Variants in ANP32E observed in about 807,000 individuals in gnomAD.
ANP32E encodes acidic nuclear phosphoprotein 32 family member E, also known as acidic leucine-rich nuclear phosphoprotein 32 family member E.
A neutral mutation model predicts 35.3 loss-of-function variants in ANP32E; 14 were observed. The ratio of observed to expected loss-of-function variants is 0.40; its 90% CI spans 0.26 to 0.62. ANP32E has a LOEUF of 0.62. ANP32E is among the 20% of genes least tolerant of loss of function. ANP32E has a pLI of 0.45. For synonymous variants in ANP32E, 89 were observed against 110.4 expected (o/e 0.81, Z 1.22); for missense variants, 198 against 304.4 (o/e 0.65, Z 2.60).
chr1:150,230,493 A>G, intron 3 of ANP32E, 78 bp downstream of exon 3: 1 of 1,396,720 alleles, frequency 7.2e-7, no homozygotes, highest in Non-Finnish European at 9.6e-7. Context: ...AGAGTTAAAT[A>G]GAAATTAATA....
chr1:150,235,832 G>T lies in ANP32E; in HGVS notation c.-46C>A. ...CTACTACTCTCCTTTTCCCTTTCCTGCCTTCCCCAATACCCCCAACCCAAA... is the reference window on the plus strand; with the variant it reads ...CTACTACTCTCCTTTTCCCTTTCCTTCCTTCCCCAATACCCCCAACCCAAA... On this transcript the variant is annotated 5_prime_UTR_variant, in exon 1 of 7. Transcript: ENST00000583931. The surrounding 1 kb of genome is among the most constrained non-coding windows in gnomAD (Gnocchi z 4.2). The T allele has an allele frequency of 6.7e-7, 1 of 1,486,520 alleles. No individual in the cohort carries two copies. Among genetic ancestry groups the T allele is most frequent in the Non-Finnish European group, 9.3e-7 (1 of 1,080,584 alleles). 92.1% of individuals were successfully genotyped at this position (1,486,520 alleles called of 1,614,324 possible).
Position 150,220,539 on chromosome 1 carries a change from G to T in ANP32E, c.*152C>A. 1 of 695,318 alleles carries T rather than the reference G, an allele frequency of 1.4e-6. No homozygotes were observed. The highest frequency in any genetic ancestry group is 2.4e-6 in the Non-Finnish European group (1 of 410,944). 43.1% of individuals were successfully genotyped at this position (695,318 alleles called of 1,614,324 possible). On this transcript the variant is annotated 3_prime_UTR_variant, in exon 7 of 7. Coordinates refer to ENST00000583931, the MANE Select transcript of ANP32E (RefSeq NM_030920.5). ...ATCATTAACAGACTAGTTCTTATTT[G>T]GAATGATAAGGCAAAAATAGTAAAA...
intron 5 of ANP32E, among the ~76,000 whole-genome samples, chr1:150,223,753 T>TA (rs1352226914): frequency 5.3e-5 from 8 of 149,930 alleles, no homozygotes; most frequent in Non-Finnish European, 8.9e-5. Flanking sequence ...ATTTATTTAT[T>TA]TTTTTTTTTG....
chr1:150,220,691 C>T lies in ANP32E; in HGVS notation c.807G>A (p.Ter269=), dbSNP rs1365941937. 8.1e-6 allele frequency: 13 copies of T among 1,613,782 alleles called. No homozygotes were observed. Among genetic ancestry groups the T allele is most frequent in the Non-Finnish European group, 1.1e-5 (13 of 1,179,758 alleles). The stretch of plus-strand genomic sequence containing the variant: ...TTAGAGAATCTGGTCTTAGAATGAT[C>T]TAGTCATCTTCTTCCTCTCCATCGT... The part of the protein sequence containing the change: ...AEDDGEEEDD[*] The change falls in exon 7 of 7, where the codon TAG becomes TAA. Residue 269 remains the stop codon, a stop_retained_variant. Coordinates refer to ENST00000583931, the MANE Select transcript of ANP32E (RefSeq NM_030920.5).
intron 3 of ANP32E, 107 bp downstream of exon 3, chr1:150,230,463 CA>C: frequency 1.7e-6 from 2 of 1,148,128 alleles, no homozygotes; most frequent in Non-Finnish European, 1.2e-6. Context: ...TCACAACATA[CA>C]AAAAATTCTT....
At chr1:150,230,746 C>CTG in intron 2 of ANP32E, 53 bp from the exon 3 acceptor site, 1 of 1,238,164 alleles carries the variant, frequency 8.1e-7, no homozygotes, top group Non-Finnish European at 1.1e-6. Context: ...TCATATCAAA[C>CTG]TTTTTTTTTT....
intron 4 of ANP32E, among the ~76,000 whole-genome samples, chr1:150,228,329 G>T (rs1649050004): frequency 6.6e-6 from 1 of 152,068 alleles, no homozygotes; most frequent in South Asian, 2.1e-4. Context: ...CATGTGGCAT[G>T]TATCACTACT....
At chr1:150,222,814 C>G (rs1345135833) in intron 6 of ANP32E, among the ~76,000 whole-genome samples, 1 of 151,524 alleles carries the variant, frequency 6.6e-6, no homozygotes, top group Non-Finnish European at 1.5e-5. Flanking sequence ...GAAAACAAAT[C>G]TAAAAAGAGC....
At chr1:150,224,138 A>C (rs1553839111) in intron 5 of ANP32E, among the ~76,000 whole-genome samples, 1 of 152,240 alleles carries the variant, frequency 6.6e-6, no homozygotes, top group African/African-American at 2.4e-5. Context: ...TAAGGAGCGA[A>C]AGGAATAGAT....
chr1:150,223,055 A>T (rs1648565177), intron 6 of ANP32E, 131 bp downstream of exon 6: 1 of 1,148,714 alleles, frequency 8.7e-7, no homozygotes, highest in Middle Eastern at 3.1e-4. Context: ...ATGATAAAGC[A>T]AAATCAAAGG....
intron 5 of ANP32E, among the ~76,000 whole-genome samples, chr1:150,223,637 C>T (rs1397119771): frequency 2.2e-5 from 3 of 136,870 alleles, no homozygotes. Flanking sequence ...GCTGAGATAG[C>T]GCCATTGCAC....
At chr1:150,226,246 A>G (rs1315969780) in intron 5 of ANP32E, among the ~76,000 whole-genome samples, 1 of 152,066 alleles carries the variant, frequency 6.6e-6, no homozygotes, top group Non-Finnish European at 1.5e-5. Flanking sequence ...TGACCTCATG[A>G]TCCACTTGCC....
In ANP32E at chr1:150,229,172, A is replaced by G; in HGVS notation, c.393T>C (p.Tyr131=). Residue 131 remains tyrosine, a synonymous_variant, in exon 4 of 7, where the codon TAT becomes TAC. Coordinates refer to ENST00000583931, the MANE Select transcript of ANP32E (RefSeq NM_030920.5). ...FNCEITNLED[Y]RESIFELLQQ... ...GCAGTAGTTCAAAAATACTTTCTCT[A>G]TAATCTTCCAGGTTTGTGATCTCAC... 1 of 1,612,884 alleles carries G rather than the reference A, an allele frequency of 6.2e-7. No individual in the cohort carries two copies. Among genetic ancestry groups the G allele is most frequent in the Non-Finnish European group, 8.5e-7 (1 of 1,179,110 alleles).
chr1:150,223,836 C>G (rs1277575778), intron 5 of ANP32E, among the ~76,000 whole-genome samples: 2 of 151,280 alleles, frequency 1.3e-5, no homozygotes, highest in Non-Finnish European at 2.9e-5. Flanking sequence ...AACTCCGCCT[C>G]CCGGGTTCAA....
intron 5 of ANP32E, among the ~76,000 whole-genome samples, chr1:150,224,693 T>C (rs587667970): frequency 6.6e-6 from 1 of 152,320 alleles, no homozygotes; most frequent in African/African-American, 2.4e-5. Flanking sequence ...TCAGCAAATA[T>C]GTGTCATTGA....
chr1:150,231,660 T>C, intron 2 of ANP32E, 117 bp downstream of exon 2: 1 of 1,131,024 alleles, frequency 8.8e-7, no homozygotes. Flanking sequence ...CTTTTTCTTA[T>C]CTCTAGAAAC....
intron 3 of ANP32E, among the ~76,000 whole-genome samples, chr1:150,229,513 C>G (rs1649177395): frequency 6.6e-6 from 1 of 151,140 alleles, no homozygotes; most frequent in African/African-American, 2.4e-5. Context: ...ACTTTTTGCT[C>G]TTGTTGCCCA....
intron 5 of ANP32E, among the ~76,000 whole-genome samples, chr1:150,224,689 AAT>A (rs1334523137): frequency 6.6e-6 from 1 of 152,242 alleles, no homozygotes; most frequent in Non-Finnish European, 1.5e-5. Flanking sequence ...TTCATCAGCA[AAT>A]ATGTGTCATT....
At chr1:150,221,284 T>G (rs587697307) in intron 6 of ANP32E, among the ~76,000 whole-genome samples, 52 of 148,802 alleles carry the variant, frequency 3.5e-4, no homozygotes, top group African/African-American at 1.2e-3. Context: ...ACTAAAAATA[T>G]AAAAATCAGC....
Sources: gnomAD v4.1 joint callset for allele counts (sites outside exome capture counted in the v4.1 genomes callset) on GRCh38, gnomAD v4.1.1 for gene constraint, Gnocchi (gnomAD v3.1) non-coding constraint, MANE v1.5 for transcripts, NCBI Gene and HGNC (gene_info 2026-07-23, HGNC 2026-07-21) for gene names.